Variants in C3 observed in about 807,000 individuals in gnomAD.
The protein encoded by C3 is complement C3.
C3 carries 97 observed loss-of-function variants against 207.9 expected under a neutral mutation model. The ratio of observed to expected loss-of-function variants is 0.47; its 90% CI spans 0.40 to 0.55. The LOEUF (loss-of-function observed/expected upper bound fraction) is 0.55. Among genes scored for constraint, C3 ranks in the 20% least tolerant of loss-of-function variants. The pLI is 0.00. For synonymous variants in C3, 848 were observed against 857.6 expected (o/e 0.99, Z 0.20); for missense variants, 1,684 against 2,171.7 (o/e 0.78, Z 4.46).
Position 6,712,528 on chromosome 19 carries a change from C to A in C3, c.1099G>T (p.Gly367Ter). 1 of 1,614,130 alleles carries A rather than the reference C, an allele frequency of 6.2e-7. No individual in the cohort carries two copies. The change falls in exon 10 of 41, where the codon GGA becomes TGA. Residue 367 changes from glycine to a stop codon, truncating the protein, a stop_gained. Transcript: ENST00000245907. LOFTEE classifies it high-confidence loss of function. ...CTCACCATGAGGTCAAAGGGCATTC[C>A]TGGTTTGAAGTACTTGGGTGTCTTG... ...FTKTPKYFKP[G>*]MPFDLMVFVT...
Position 6,693,182 on chromosome 19 carries a change from A to T in C3, c.3231-99T>A. 3.4e-6 allele frequency: 5 copies of T among 1,456,310 alleles called. No individual in the cohort carries two copies. The South Asian group carries it at 5.7e-5, about 17-fold the overall frequency. The allele number at this position is 1,456,310 out of a possible 1,614,324, so 90.2% of individuals were successfully genotyped here. On this transcript the variant is annotated intron_variant, in intron 25 of 40. Coordinates refer to ENST00000245907, the MANE Select transcript of C3 (RefSeq NM_000064.4). Reference sequence around the variant, plus strand: ...TGGGGGAGGGACCAGGGCCTGGCCCAGTTTGCCTGGTTTGCCTTCCCAGGC... The same window carrying T: ...TGGGGGAGGGACCAGGGCCTGGCCCTGTTTGCCTGGTTTGCCTTCCCAGGC...
intron 26 of C3, among the ~76,000 whole-genome samples, chr19:6,691,595 G>T (rs1918169244): frequency 6.6e-6 from 1 of 152,166 alleles, no homozygotes; most frequent in South Asian, 2.1e-4. Flanking sequence ...AAGAAAGGCT[G>T]GAAGTCTGGA....
intron 21 of C3, among the ~76,000 whole-genome samples, chr19:6,697,050 AAACAAAC>A: frequency 1.1e-5 from 1 of 93,042 alleles, no homozygotes; most frequent in African/African-American, 3.7e-5. Context: ...TCAAAAAAAT[AAACAAAC>A]AAATAAATAA....
rs539270017 is a variant in C3, at chr19:6,709,812, G to A, written c.1717C>T (p.Arg573Trp). The A allele has an allele frequency of 1.2e-5, 19 of 1,613,840 alleles. No individual in the cohort carries two copies. The highest frequency in any genetic ancestry group is 9.3e-5 in the African/African-American group (7 of 74,970). Residue 573 changes from arginine (R) to tryptophan (W), a missense_variant, in exon 14 of 41, where the codon CGG becomes TGG. Physicochemically the swap from Arg to Trp is moderately radical, Grantham distance 101. Coordinates refer to ENST00000245907, the MANE Select transcript of C3 (RefSeq NM_000064.4). ...ATCTGCTGCCCAGGTACAGGCTGCC[G>A]GTCTTCTGACTGGCCGCTTTTTACC... ...LVVKSGQSED[R>W]QPVPGQQMTL...
chr19:6,689,334 T>TCCCC (rs1568213457), intron 27 of C3, among the ~76,000 whole-genome samples: 1 of 37,748 alleles, frequency 2.6e-5, no homozygotes, highest in Non-Finnish European at 5.0e-5. Flanking sequence ...CCTACCTCCC[T>TCCCC]CCCTCCCTCC....
At position 6,713,356 on chromosome 19, in the gene C3, A is replaced by G. The variant is rs199571338; in HGVS notation, c.877-41T>C. ...AGGGCTCAGAGAGGGGAGCGGGCTC[A>G]GAGGTGGCGGGGACTGGGGCAGGGA... On this transcript the variant is annotated intron_variant, in intron 8 of 40. Transcript: ENST00000245907. 2.8e-4 allele frequency: 447 copies of G among 1,613,906 alleles called. 1 individual carries two copies. The African/African-American group carries it at 5.2e-3, about 19-fold the overall frequency.
intron 25 of C3, 41 bp downstream of exon 25, chr19:6,693,371 G>T: frequency 1.3e-6 from 2 of 1,566,874 alleles, no homozygotes; most frequent in Non-Finnish European, 1.7e-6. Flanking sequence ...GGGGTTGAGG[G>T]TGGGGAGTAT....
intron 28 of C3, 157 bp downstream of exon 28, chr19:6,686,589 G>T: frequency 1.2e-6 from 1 of 868,978 alleles, no homozygotes; most frequent in South Asian, 1.3e-5. Context: ...TCAGCTCAGG[G>T]TTATGCATCC....
intron 17 of C3, among the ~76,000 whole-genome samples, chr19:6,704,982 C>T (rs1599517028): frequency 6.6e-6 from 1 of 152,074 alleles, no homozygotes; most frequent in African/African-American, 2.4e-5. Context: ...CAAGCGATCC[C>T]GCTGCCTCAG....
Position 6,696,659 on chromosome 19 carries a change from G to T in C3, c.2797C>A (p.Pro933Thr). 2 of 1,613,834 alleles carry T rather than the reference G, an allele frequency of 1.2e-6. No individual in the cohort carries two copies. Among genetic ancestry groups the T allele is most frequent in the Non-Finnish European group, 1.7e-6 (2 of 1,179,830 alleles). The change falls in exon 22 of 41, where the codon CCG becomes ACG. Residue 933 changes from proline (P) to threonine (T), a missense_variant and splice_region_variant. Pro to Thr is a conservative substitution (Grantham distance 38). Transcript: ENST00000245907. ...GTTTTGTTCATTCTGATTCCTTCCG[G>T]CTACGCAGTGTTAGAGGTGGGGGGA... ...DGVRKSLKVV[P>T]EGIRMNKTVA...
chr19:6,689,327 A>ACCTATCTCTCTCTCTCTCTCTCTCTCTC lies in C3; in HGVS notation c.3489+1301_3489+1302insGAGAGAGAGAGAGAGAGAGAGAGATAGG, dbSNP rs1568213429. On this transcript the variant is annotated intron_variant, in intron 27 of 40. Coordinates refer to ENST00000245907, the MANE Select transcript of C3 (RefSeq NM_000064.4). ...TCTCTCTCTCTCTCTCTCTCTACCT[A>ACCTATCTCTCTCTCTCTCTCTCTCTCTC]CCTCCCTCCCTCCCTCCCTCCCTCC... Among the ~76,000 whole-genome samples, 2 of 49,724 alleles carry ACCTATCTCTCTCTCTCTCTCTCTCTCTC rather than the reference A, an allele frequency of 4.0e-5. 1 individual carries two copies. Among genetic ancestry groups the ACCTATCTCTCTCTCTCTCTCTCTCTCTC allele is most frequent in the African/African-American group, 2.2e-4 (2 of 9,068 alleles). The allele number at this position is 49,724 out of a possible 152,430, so 32.6% of individuals were successfully genotyped here. A position where few individuals can be genotyped will look rare whatever the true frequency, so the allele number is the denominator to read the frequency against.
intron 23 of C3, 119 bp downstream of exon 23, chr19:6,696,260 G>A: frequency 1.4e-6 from 1 of 705,444 alleles, no homozygotes; most frequent in Admixed American, 2.0e-5. Flanking sequence ...ATCACAGATG[G>A]GCTGTTCTAG....
chr19:6,686,037 G>A (rs957247955), intron 29 of C3, 87 bp downstream of exon 29: 127 of 1,343,472 alleles, frequency 9.5e-5, no homozygotes, highest in Admixed American at 7.0e-4. Flanking sequence ...GAACTGCCTC[G>A]CTGGGCCTCA....
chr19:6,689,298 CCTCTCTCTCT>C (rs371248769), intron 27 of C3, among the ~76,000 whole-genome samples: 3 of 113,048 alleles, frequency 2.7e-5, no homozygotes, highest in African/African-American at 1.1e-4. Context: ...CCCCACCTCT[CCTCTCTCTCT>C]CTCTCTCTCT....
In C3 at chr19:6,677,841, A is replaced by G. The variant is rs751613103; in HGVS notation, c.*41T>C. ...GCAAAGAACTCCAGACACGTGAGAT[A>G]TAACTGAAGCTTTATCTGGAGTGGG... On this transcript the variant is annotated 3_prime_UTR_variant, in exon 41 of 41. Transcript: ENST00000245907. 90 of 1,612,478 alleles carry G rather than the reference A, an allele frequency of 5.6e-5. No homozygotes were observed. The highest frequency in any genetic ancestry group is 7.3e-5 in the Non-Finnish European group (86 of 1,179,554).
At chr19:6,693,541 A>C in intron 24 of C3, 54 bp from the exon 25 acceptor site, 3 of 1,531,908 alleles carry the variant, frequency 2.0e-6, no homozygotes, top group Non-Finnish European at 2.7e-6. Context: ...CAGAGGGGGC[A>C]CGCCAGAAAG....
At chr19:6,678,571 T>C in intron 38 of C3, 116 bp from the exon 39 acceptor site, 2 of 768,326 alleles carry the variant, frequency 2.6e-6, no homozygotes, top group Non-Finnish European at 2.2e-6. Context: ...AGTTGCAGAA[T>C]CACAGCCAGT....
chr19:6,691,074 G>GTTA (rs1918154939), intron 26 of C3, among the ~76,000 whole-genome samples: 1 of 137,328 alleles, frequency 7.3e-6, no homozygotes, highest in African/African-American at 2.7e-5. Context: ...TTTTTTTTTG[G>GTTA]GACAGTTTTG....
rs374879118 is a variant in C3, at chr19:6,719,447, G to A, written c.75-44C>T. On this transcript the variant is annotated intron_variant, in intron 1 of 40. Transcript: ENST00000245907. This position sits in a 1 kb window ranked among gnomAD's most constrained non-coding sequence, Gnocchi z 5.4. ...GGAGTGGGCTTGTCATTCCACGGAT[G>A]TGAGACGCCAGTCCTCACTGGAGTC... 6.2e-5 allele frequency: 97 copies of A among 1,567,006 alleles called. No homozygotes were observed. The highest frequency in any genetic ancestry group is 3.5e-4 in the Middle Eastern group (2 of 5,792).
Sources: allele counts gnomAD v4.1 joint callset (sites outside exome capture counted in the v4.1 genomes callset), GRCh38; gene constraint gnomAD v4.1.1; non-coding constraint Gnocchi (gnomAD v3.1); transcripts MANE v1.5; gene names NCBI Gene and HGNC (gene_info 2026-07-23, HGNC 2026-07-21).